SH2B3: variants seen among roughly 807,000 people sequenced by gnomAD.
The protein encoded by SH2B3 is SH2B adapter protein 3.
Under a neutral mutation model 51.9 loss-of-function variants are expected in SH2B3, and 43 were observed. That is an observed-to-expected ratio of 0.83 (90% CI 0.65 to 1.07). The LOEUF is 1.07. Ranked by LOEUF, SH2B3 falls within the 50% of genes least tolerant of loss-of-function variation. SH2B3 has a pLI of 0.00. For synonymous variants in SH2B3, 396 were observed against 376.0 expected (o/e 1.05, Z -0.62); for missense variants, 952 against 834.3 (o/e 1.14, Z -1.74).
chr12:111,405,521 A>C (rs1336989124), upstream of SH2B3, among the ~76,000 whole-genome samples: 1 of 151,692 alleles, frequency 6.6e-6, no homozygotes. The surrounding 1 kb of genome is among the most constrained non-coding windows in gnomAD (Gnocchi z 5.4). Context: ...TGCCCGCCCT[A>C]GGCCCCGCCC....
At chr12:111,423,081 A>G (rs902121690) in intron 2 of SH2B3, among the ~76,000 whole-genome samples, 3 of 152,150 alleles carry the variant, frequency 2.0e-5, no homozygotes, top group Non-Finnish European at 4.4e-5. Flanking sequence ...TGAGTGGGGA[A>G]TGTGTTTAGC....
Position 111,448,301 on chromosome 12 carries a change from G to C in SH2B3, c.1727G>C (p.Ter576SerextTer22), listed in dbSNP as rs1281941214. 6.3e-7 allele frequency: 1 copy of C among 1,592,916 alleles called. No homozygotes were observed. Among genetic ancestry groups the C allele is most frequent in the African/African-American group, 1.3e-5 (1 of 74,538 alleles). ...RAIDNQYTPL[*>S] The stretch of plus-strand genomic sequence containing the variant: ...ATAGACAATCAGTACACACCTCTCT[G>C]ACCAGTGAGGAATTCCAGGCCTCAA... Residue 576 changes from the stop codon to serine (S), a stop_lost, in exon 8 of 8, where the codon TGA becomes TCA. Coordinates refer to ENST00000341259, the MANE Select transcript of SH2B3 (RefSeq NM_005475.3).
rs1201765393 is a variant in SH2B3 at position 111,406,752 on chromosome 12, A to T, written c.-28+475A>T. ...CCCTCCCCACTCCCCATTCCGGGCC[A>T]TGTGGCTAAGAGGGTAGCGCCCTGA... On this transcript the variant is annotated intron_variant, in intron 1 of 7. Transcript: ENST00000341259. This position sits in a 1 kb window ranked among gnomAD's most constrained non-coding sequence, Gnocchi z 5.7. Among the ~76,000 whole-genome samples, 1 of 152,194 alleles carries T rather than the reference A, an allele frequency of 6.6e-6. No homozygotes were observed. Among genetic ancestry groups the T allele is most frequent in the African/African-American group, 2.4e-5 (1 of 41,466 alleles).
intron 7 of SH2B3, 76 bp downstream of exon 7, chr12:111,447,903 G>GGTACAGGTATCTTGTT: frequency 6.4e-7 from 1 of 1,556,986 alleles, no homozygotes; most frequent in Non-Finnish European, 8.8e-7. Flanking sequence ...CAGACCCAGG[G>GGTACAGGTATCTTGTT]GTACAGGTAT....
chr12:111,415,459 G>A (rs906473826), intron 1 of SH2B3, among the ~76,000 whole-genome samples: 1 of 152,196 alleles, frequency 6.6e-6, no homozygotes, highest in Non-Finnish European at 1.5e-5. Flanking sequence ...GCCATGGGAG[G>A]AGAAGGATGC....
intron 1 of SH2B3, among the ~76,000 whole-genome samples, chr12:111,412,371 G>A (rs1003950007): frequency 1.3e-5 from 2 of 152,190 alleles, no homozygotes; most frequent in Admixed American, 1.3e-4. Context: ...GGAGCAGCCT[G>A]AGCAGCCGCC....
At position 111,418,635 on chromosome 12, in the gene SH2B3, G is replaced by A. The variant is rs1871287915; in HGVS notation, c.490G>A (p.Gly164Arg). 5 of 1,473,024 alleles carry A rather than the reference G, an allele frequency of 3.4e-6. No homozygotes were observed. Among genetic ancestry groups the A allele is most frequent in the Non-Finnish European group, 2.7e-6 (3 of 1,121,610 alleles). The allele number at this position is 1,473,024 out of a possible 1,614,324, so 91.2% of individuals were successfully genotyped here. A position where few individuals can be genotyped will look rare whatever the true frequency, so the allele number is the denominator to read the frequency against. ...AGCGGCCCACACCGCTGCCGCCCCC[G>A]GGACCCCCGGAGAGGCTGCTGAGAC... is the stretch of plus-strand genomic sequence containing the variant. The part of the protein sequence containing the change: ...LPAAHTAAAP[G>R]TPGEAAETPA... Residue 164 changes from glycine (G) to arginine (R), a missense_variant, in exon 2 of 8, where the codon GGG (glycine) becomes AGG (arginine). Gly to Arg is a moderately radical substitution (Grantham distance 125, BLOSUM62 -2). Coordinates refer to ENST00000341259, the MANE Select transcript of SH2B3 (RefSeq NM_005475.3). This position sits in a 1 kb window ranked among gnomAD's most constrained non-coding sequence, Gnocchi z 6.7.
In SH2B3 at chr12:111,427,969, G is replaced by A. The variant is rs1370975664; in HGVS notation, c.732+9092G>A. 2.6e-5 allele frequency among the ~76,000 whole-genome samples: 4 copies of A among 152,242 alleles called. No homozygotes were observed. The East Asian group carries it at 7.7e-4, about 29-fold the overall frequency. ...TTCCCAAGGTCTCACAGCCCCTGTG[G>A]CTGAGAGGGGCTTGGAACCTGGGCA... is the stretch of plus-strand genomic sequence containing the variant. On this transcript the variant is annotated intron_variant, in intron 2 of 7. Transcript: ENST00000341259.
intron 2 of SH2B3, among the ~76,000 whole-genome samples, chr12:111,442,592 C>CT (rs1243390032): frequency 6.6e-6 from 1 of 152,212 alleles, no homozygotes; most frequent in African/African-American, 2.4e-5. Context: ...CAAGCCCTTG[C>CT]TGCTGGGGTG....
At position 111,418,187 on chromosome 12, in the gene SH2B3, G is replaced by A. The variant is rs750025226; in HGVS notation, c.42G>A (p.Ala14=). The A allele has an allele frequency of 2.6e-6, 4 of 1,565,410 alleles. No homozygotes were observed. The highest frequency in any genetic ancestry group is 1.8e-5 in the Admixed American group (1 of 54,152). ...PALQPSSPSS[A]PSASPAAAPR... is the part of the protein sequence containing the mutation. The stretch of plus-strand genomic sequence containing the variant: ...TGCAGCCCTCCTCGCCCTCTTCCGC[G>A]CCCTCAGCCTCCCCGGCGGCGGCCC... The change falls in exon 2 of 8, where the codon GCG becomes GCA. Residue 14 remains alanine, a synonymous_variant. Transcript: ENST00000341259. This position sits in a 1 kb window ranked among gnomAD's most constrained non-coding sequence, Gnocchi z 6.7.
Position 111,447,098 on chromosome 12 carries a change from C to G in SH2B3, c.927-27C>G, listed in dbSNP as rs764934802. 32 of 1,610,708 alleles carry G rather than the reference C, an allele frequency of 2.0e-5. No homozygotes were observed. The East Asian group carries it at 5.1e-4, about 26-fold the overall frequency. ...GCTACCACCCCTGACCTGCCCAGAT[C>G]CTTAACCTCAGCCTCTTCTCCAGCA... On this transcript the variant is annotated intron_variant, in intron 4 of 7. Coordinates refer to ENST00000341259, the MANE Select transcript of SH2B3 (RefSeq NM_005475.3).
Position 111,418,974 on chromosome 12 carries a change from C to A in SH2B3, c.732+97C>A. 8.4e-7 allele frequency: 1 copy of A among 1,188,972 alleles called. No individual in the cohort carries two copies. The highest frequency in any genetic ancestry group is 1.1e-6 in the Non-Finnish European group (1 of 916,892). 73.7% of individuals were successfully genotyped at this position (1,188,972 alleles called of 1,614,324 possible). ...CTGGGGAGGTGTGATGGCTTTCCAG[C>A]TGGTGGCCACAGAGTGTCCAGAGGG... On this transcript the variant is annotated intron_variant, in intron 2 of 7. Coordinates refer to ENST00000341259, the MANE Select transcript of SH2B3 (RefSeq NM_005475.3). The surrounding 1 kb of genome is among the most constrained non-coding windows in gnomAD (Gnocchi z 6.7).
rs183486196 is a variant in SH2B3 at position 111,433,267 on chromosome 12, C to T, written c.733-13486C>T. On this transcript the variant is annotated intron_variant, in intron 2 of 7. Transcript: ENST00000341259. The stretch of plus-strand genomic sequence containing the variant: ...TCAGGAGGCTGAGGCAGAAGAATCA[C>T]TTGAACCCAGGAGGTGGAGGCTGCA... Among the ~76,000 whole-genome samples, 5 of 152,234 alleles carry T rather than the reference C, an allele frequency of 3.3e-5. No homozygotes were observed. The South Asian group carries it at 6.2e-4, about 19-fold the overall frequency.
chr12:111,441,936 ATTTTTT>A (rs111758346), intron 2 of SH2B3, among the ~76,000 whole-genome samples: 1 of 146,436 alleles, frequency 6.8e-6, no homozygotes, highest in African/African-American at 2.5e-5. Context: ...AAGGCAAGGA[ATTTTTT>A]TTTTTTTAAG....
At chr12:111,426,377 T>C (rs2135562228) in intron 2 of SH2B3, among the ~76,000 whole-genome samples, 1 of 149,302 alleles carries the variant, frequency 6.7e-6, no homozygotes, top group South Asian at 2.1e-4. Context: ...GTTCCGTTTT[T>C]CTTTTATCTT....
chr12:111,422,558 G>GTT (rs1565973473), intron 2 of SH2B3, among the ~76,000 whole-genome samples: 2 of 150,756 alleles, frequency 1.3e-5, no homozygotes. Flanking sequence ...ATGAAAAGCA[G>GTT]TTTTGTTTTT....
Position 111,418,038 on chromosome 12 carries a change from G to C in SH2B3, c.-27-81G>C. On this transcript the variant is annotated intron_variant, in intron 1 of 7. Coordinates refer to ENST00000341259, the MANE Select transcript of SH2B3 (RefSeq NM_005475.3). The surrounding 1 kb of genome is among the most constrained non-coding windows in gnomAD (Gnocchi z 6.7). ...TATGGTCGCGTTGGATTTCTGCTGT[G>C]GTGCCCGGTGTGTAATGGGGCCTAC... 2 of 1,055,976 alleles carry C rather than the reference G, an allele frequency of 1.9e-6. No homozygotes were observed. Among genetic ancestry groups the C allele is most frequent in the Admixed American group, 5.7e-5 (2 of 34,918 alleles). 65.4% of individuals were successfully genotyped at this position (1,055,976 alleles called of 1,614,324 possible). A position where few individuals can be genotyped will look rare whatever the true frequency, so the allele number is the denominator to read the frequency against.
At chr12:111,430,716 G>T (rs1214508628) in intron 2 of SH2B3, among the ~76,000 whole-genome samples, 1 of 152,214 alleles carries the variant, frequency 6.6e-6, no homozygotes, top group East Asian at 1.9e-4. Context: ...CTGCGCCTCA[G>T]TGGCTCATTA....
Position 111,406,455 on chromosome 12 carries a change from C to T in SH2B3, c.-28+178C>T, listed in dbSNP as rs564998339. Among the ~76,000 whole-genome samples, 6 of 152,298 alleles carry T rather than the reference C, an allele frequency of 3.9e-5. No individual in the cohort carries two copies. In the South Asian group the frequency reaches 1.2e-3, roughly 32 times the overall value. ...GGGTGACGGCTCCCAGCGCCTACGA[C>T]CCCCCACTCAGCCACTACCCCCACC... On this transcript the variant is annotated intron_variant, in intron 1 of 7. Transcript: ENST00000341259. This position sits in a 1 kb window ranked among gnomAD's most constrained non-coding sequence, Gnocchi z 5.7.
Sources: gnomAD v4.1 joint callset for allele counts (sites outside exome capture counted in the v4.1 genomes callset) on GRCh38, gnomAD v4.1.1 for gene constraint, Gnocchi (gnomAD v3.1) non-coding constraint, MANE v1.5 for transcripts, NCBI Gene and HGNC (gene_info 2026-07-23, HGNC 2026-07-21) for gene names.